Variants in MECOM observed in about 807,000 individuals in gnomAD.
MECOM encodes histone-lysine N-methyltransferase MECOM.
In MECOM, 13 loss-of-function variants were observed where a neutral mutation model predicts 116.3. The ratio of observed to expected loss-of-function variants is 0.11; its 90% CI spans 0.07 to 0.18. The LOEUF (loss-of-function observed/expected upper bound fraction) is 0.18. Ranked by LOEUF, MECOM falls within the 10% of genes least tolerant of loss-of-function variation. MECOM has a pLI of 1.00. For synonymous variants in MECOM, 528 were observed against 535.2 expected (o/e 0.99, Z 0.19); for missense variants, 1,299 against 1,509.0 (o/e 0.86, Z 2.31).
chr3:169,592,292 T>A (rs1457891860), intron 1 of MECOM, among the ~76,000 whole-genome samples: 2 of 152,172 alleles, frequency 1.3e-5, no homozygotes, highest in African/African-American at 4.8e-5. Flanking sequence ...TGTCCACAAC[T>A]CCTAAAGACG....
At chr3:169,504,150 A>AGTGAGTGT (rs1553873575) in intron 1 of MECOM, among the ~76,000 whole-genome samples, 2 of 132,670 alleles carry the variant, frequency 1.5e-5, no homozygotes, top group East Asian at 4.8e-4. Flanking sequence ...GAAAAAGAGA[A>AGTGAGTGT]GTGTGTGTGT....
chr3:169,534,346 A>T (rs915633407), intron 1 of MECOM, among the ~76,000 whole-genome samples: 2 of 152,194 alleles, frequency 1.3e-5, no homozygotes, highest in Non-Finnish European at 2.9e-5. Context: ...GGTCAATTAC[A>T]TATGCTCTGG....
At chr3:169,623,529 T>G (rs917529594) in intron 1 of MECOM, among the ~76,000 whole-genome samples, 1 of 152,164 alleles carries the variant, frequency 6.6e-6, no homozygotes, top group Non-Finnish European at 1.5e-5. Flanking sequence ...ATTTGTTGAG[T>G]CTATGGCCAT....
At chr3:169,434,643 T>C (rs1578091762) in intron 1 of MECOM, among the ~76,000 whole-genome samples, 2 of 152,326 alleles carry the variant, frequency 1.3e-5, no homozygotes, top group East Asian at 1.9e-4. Flanking sequence ...CACAACATTG[T>C]ACATTTATTG....
chr3:169,113,708 A>G (rs1728201142), intron 8 of MECOM, among the ~76,000 whole-genome samples: 1 of 152,160 alleles, frequency 6.6e-6, no homozygotes, highest in Non-Finnish European at 1.5e-5. Context: ...TGGTAATTAA[A>G]AAAACTTTTA....
intron 1 of MECOM, among the ~76,000 whole-genome samples, chr3:169,605,497 A>T (rs1435571546): frequency 6.6e-6 from 1 of 152,260 alleles, no homozygotes; most frequent in African/African-American, 2.4e-5. Flanking sequence ...GAGTAACAGT[A>T]ACCCTGTTAG....
chr3:169,662,887 G>A (rs1338564637), intron 1 of MECOM, among the ~76,000 whole-genome samples: 15 of 136,984 alleles, frequency 1.1e-4, no homozygotes, highest in Non-Finnish European at 1.8e-4. Context: ...CCCATCCCCC[G>A]CGCCCCCCTC....
At chr3:169,093,902 A>T (rs910519790) in intron 13 of MECOM, among the ~76,000 whole-genome samples, 5 of 152,182 alleles carry the variant, frequency 3.3e-5, no homozygotes, top group African/African-American at 1.2e-4. Context: ...GGAGGTTAGA[A>T]CATCCCCTCA....
At chr3:169,604,713 C>G (rs913184622) in intron 1 of MECOM, among the ~76,000 whole-genome samples, 7 of 152,064 alleles carry the variant, frequency 4.6e-5, no homozygotes, top group Non-Finnish European at 1.0e-4. Flanking sequence ...TCTGAAAGGG[C>G]CCCAAAACAT....
chr3:169,311,553 T>C (rs1177728336), intron 2 of MECOM, among the ~76,000 whole-genome samples: 1 of 152,200 alleles, frequency 6.6e-6, no homozygotes, highest in Non-Finnish European at 1.5e-5. Flanking sequence ...CATGCTTTCC[T>C]GTACAGTGCA....
At chr3:169,216,522 AT>A (rs1309774927) in intron 2 of MECOM, among the ~76,000 whole-genome samples, 1 of 151,510 alleles carries the variant, frequency 6.6e-6, no homozygotes, top group East Asian at 1.9e-4. Flanking sequence ...CATTTTTGCT[AT>A]TTCTGAAATG....
At chr3:169,514,816 G>T (rs747491707) in intron 1 of MECOM, among the ~76,000 whole-genome samples, 1 of 152,032 alleles carries the variant, frequency 6.6e-6, no homozygotes, top group African/African-American at 2.4e-5. Flanking sequence ...TATGTGTCAC[G>T]CTTTAAAACA....
intron 2 of MECOM, among the ~76,000 whole-genome samples, chr3:169,346,067 C>T (rs1320850929): frequency 6.6e-6 from 1 of 151,986 alleles, no homozygotes; most frequent in Non-Finnish European, 1.5e-5. Context: ...AAGAACAAGG[C>T]AAATTGCTCA....
chr3:169,416,527 G>A (rs1578033229), intron 1 of MECOM, among the ~76,000 whole-genome samples: 2 of 151,502 alleles, frequency 1.3e-5, no homozygotes, highest in Non-Finnish European at 2.9e-5. Flanking sequence ...ACTAGGATCA[G>A]GGCAGAACTG....
intron 8 of MECOM, among the ~76,000 whole-genome samples, chr3:169,113,730 T>C (rs1222643054): frequency 3.9e-5 from 6 of 152,174 alleles, no homozygotes; most frequent in Non-Finnish European, 8.8e-5. Context: ...ATATGTGCAC[T>C]CTTAAAGCAG....
chr3:169,527,271 G>T (rs559449226), intron 1 of MECOM, among the ~76,000 whole-genome samples: 4 of 152,276 alleles, frequency 2.6e-5, no homozygotes, highest in African/African-American at 9.6e-5. Context: ...AAAAAGAAAA[G>T]AAAGAAATCT....
intron 1 of MECOM, among the ~76,000 whole-genome samples, chr3:169,438,542 C>T (rs1743085907): frequency 6.6e-6 from 1 of 152,258 alleles, no homozygotes; most frequent in African/African-American, 2.4e-5. Flanking sequence ...CACCGATTCC[C>T]ATCAGTCATT....
At position 169,420,598 on chromosome 3, in the gene MECOM, C is replaced by T. The variant is rs547441066; in HGVS notation, c.38-39074G>A. ...AAATAGGGAATGGCAGTTTCCTCCA[C>T]GGACACAATTATAGGTAGTGAAAAG... is the stretch of plus-strand genomic sequence containing the variant. On this transcript the variant is annotated intron_variant, in intron 1 of 16. Transcript: ENST00000651503. Among the ~76,000 whole-genome samples, 13 of 152,210 alleles carry T rather than the reference C, an allele frequency of 8.5e-5. No individual in the cohort carries two copies. The South Asian group carries it at 1.9e-3, about 22-fold the overall frequency.
chr3:169,278,099 G>A (rs966195500), intron 2 of MECOM, among the ~76,000 whole-genome samples: 6 of 152,182 alleles, frequency 3.9e-5, no homozygotes, highest in Non-Finnish European at 5.9e-5. Flanking sequence ...ATGATGGCAC[G>A]CCTTAACTAA....
Sources: allele counts gnomAD v4.1 joint callset (sites outside exome capture counted in the v4.1 genomes callset), GRCh38; gene constraint gnomAD v4.1.1; transcripts MANE v1.5; gene names NCBI Gene and HGNC (gene_info 2026-07-23, HGNC 2026-07-21).